The following TRIM49D1 variants were observed in gnomAD, a reference collection of about 807,000 sequenced individuals.
TRIM49D1 encodes the protein tripartite motif-containing protein 49D.
At chr11:89,921,329 A>G (rs1483515404) in intron 1 of TRIM49D1, among the ~76,000 whole-genome samples, 7 of 152,076 alleles carry the variant, frequency 4.6e-5, no homozygotes, top group African/African-American at 1.5e-4. Flanking sequence ...AGGCTAATTC[A>G]CAAATACAGA....
At position 89,922,222 on chromosome 11, in the gene TRIM49D1, C is replaced by G. The variant is rs1258948490; in HGVS notation, c.-586G>C. Among the ~76,000 whole-genome samples the G allele has an allele frequency of 6.6e-6, 1 of 151,900 alleles. No homozygotes were observed. Among genetic ancestry groups the G allele is most frequent in the African/African-American group, 2.4e-5 (1 of 41,278 alleles). On this transcript the variant is annotated 5_prime_UTR_variant, in exon 1 of 8. Transcript: ENST00000420869. ...GGGGATGTAATGCTCAGGGGCCAGA[C>G]AGTCGGCTGCAGCAGCACAGCCTCA...
chr11:89,921,314 G>A (rs954317221), intron 1 of TRIM49D1, among the ~76,000 whole-genome samples: 9 of 151,982 alleles, frequency 5.9e-5, no homozygotes, highest in Admixed American at 5.2e-4. Context: ...CAAGTTTTAG[G>A]ACGTAGGCTA....
chr11:89,921,330 C>G, intron 1 of TRIM49D1, among the ~76,000 whole-genome samples: 1 of 151,934 alleles, frequency 6.6e-6, no homozygotes, highest in Non-Finnish European at 1.5e-5. Context: ...GGCTAATTCA[C>G]AAATACAGAA....
chr11:89,920,968 C>A (rs528764672), intron 1 of TRIM49D1, among the ~76,000 whole-genome samples: 42 of 152,148 alleles, frequency 2.8e-4, no homozygotes, highest in African/African-American at 9.9e-4. Context: ...CAACTCCTGT[C>A]TTCAAGTAAT....
chr11:89,921,396 CAT>C (rs1173722782), intron 1 of TRIM49D1, among the ~76,000 whole-genome samples: 1 of 151,922 alleles, frequency 6.6e-6, no homozygotes, highest in Non-Finnish European at 1.5e-5. Flanking sequence ...TTTTTGTTGT[CAT>C]GTGACAATTT....
chr11:89,921,241 A>G (rs1172250612), intron 1 of TRIM49D1, among the ~76,000 whole-genome samples: 1 of 152,036 alleles, frequency 6.6e-6, no homozygotes, highest in Non-Finnish European at 1.5e-5. Context: ...TTTTCTCCAC[A>G]TGGTGCATGA....
rs1435915458 is a variant in TRIM49D1, at chr11:89,921,906, C to A, written c.-270G>T. On this transcript the variant is annotated 5_prime_UTR_variant, in exon 1 of 8. Coordinates refer to ENST00000420869, the MANE Select transcript of TRIM49D1 (RefSeq NM_001384911.1). ...GACCTTTCGTTACATCTGCAAAATA[C>A]CTTCCCAGTAGGTCCTACGTGAGTG... 6.6e-6 allele frequency: 1 copy of A among 152,058 alleles called. No individual in the cohort carries two copies. Among genetic ancestry groups the A allele is most frequent in the Non-Finnish European group, 1.5e-5 (1 of 68,038 alleles). The allele number at this position is 152,058 out of a possible 1,614,324, so 9.4% of individuals were successfully genotyped here. A position where few individuals can be genotyped will look rare whatever the true frequency, so the allele number is the denominator to read the frequency against.
intron 7 of TRIM49D1, 29 bp from the exon 8 acceptor site, chr11:89,912,115 TAAATAAATAAATAAATAGAA>T (rs1950318094): frequency 7.6e-7 from 1 of 1,316,464 alleles, no homozygotes; most frequent in African/African-American, 1.5e-5. Flanking sequence ...AATAAATAAA[TAAATAAATAAATAAATAGAA>T]AGAAAGAAAG....
rs1407032103 is a variant in TRIM49D1 at position 89,920,301 on chromosome 11, C to T, written c.-7G>A. The stretch of plus-strand genomic sequence containing the variant: ...TTATCAATATAAGTTTCACTCACCG[C>T]TGGGTTCTTTGAAGGGTTCCCACAA... On this transcript the variant is annotated splice_region_variant and 5_prime_UTR_variant, in exon 2 of 8. Transcript: ENST00000420869. The T allele has an allele frequency of 8.5e-6, 2 of 234,152 alleles. No individual in the cohort carries two copies. Among genetic ancestry groups the T allele is most frequent in the East Asian group, 7.0e-5 (1 of 14,350 alleles). The allele number at this position is 234,152 out of a possible 1,614,324, so 14.5% of individuals were successfully genotyped here.
chr11:89,920,509 T>A lies in TRIM49D1; in HGVS notation c.-215A>T, dbSNP rs1238822658. 6.7e-6 allele frequency: 1 copy of A among 148,282 alleles called. No individual in the cohort carries two copies. The highest frequency in any genetic ancestry group is 1.4e-5 in the Non-Finnish European group (1 of 69,048). The allele number at this position is 148,282 out of a possible 1,614,324, so 9.2% of individuals were successfully genotyped here. On this transcript the variant is annotated splice_region_variant and 5_prime_UTR_variant, in exon 2 of 8. Transcript: ENST00000420869. ...AGAATCTGTGAAGGCCACACCCACC[T>A]CTTTAAGTGGGTGGAGTATTGAGAA...
intron 1 of TRIM49D1, among the ~76,000 whole-genome samples, chr11:89,920,797 G>C (rs543958845): frequency 6.6e-6 from 1 of 152,014 alleles, no homozygotes; most frequent in Non-Finnish European, 1.5e-5. Context: ...CAGTGGTACA[G>C]TCATAGCTCA....
chr11:89,920,548 G>A (rs1950325144), intron 1 of TRIM49D1, 39 bp from the exon 2 acceptor site: 1 of 197,822 alleles, frequency 5.1e-6, no homozygotes, highest in South Asian at 1.7e-4. Context: ...TTGAGAATAA[G>A]ATGATTAGGT....
At chr11:89,921,155 C>A (rs1270552870) in intron 1 of TRIM49D1, among the ~76,000 whole-genome samples, 1 of 152,078 alleles carries the variant, frequency 6.6e-6, no homozygotes, top group Non-Finnish European at 1.5e-5. Context: ...AATAACTCTA[C>A]TAATTTGAGG....
At chr11:89,920,633 T>A (rs72479298) in intron 1 of TRIM49D1, 124 bp from the exon 2 acceptor site, 14,444 of 376,288 alleles carry the variant, frequency 0.038, 377 homozygotes, top group Non-Finnish European at 0.047. Flanking sequence ...ATGATTTAAA[T>A]GAATCATATG....
At chr11:89,921,025 C>T (rs530391183) in intron 1 of TRIM49D1, among the ~76,000 whole-genome samples, 2 of 152,154 alleles carry the variant, frequency 1.3e-5, no homozygotes, top group South Asian at 4.2e-4. Context: ...AGGCATAAAC[C>T]ACCTCATCCA....
At chr11:89,912,348 AATGTAAG>A (rs1278286716) in intron 7 of TRIM49D1, among the ~76,000 whole-genome samples, 2 of 149,390 alleles carry the variant, frequency 1.3e-5, no homozygotes, top group African/African-American at 2.4e-5. Flanking sequence ...CTGAGAGCCA[AATGTAAG>A]ACCAACTTCT....
intron 1 of TRIM49D1, among the ~76,000 whole-genome samples, chr11:89,920,896 C>G (rs976909229): frequency 6.6e-6 from 1 of 151,988 alleles, no homozygotes; most frequent in Non-Finnish European, 1.5e-5. Context: ...TCCCACCTGG[C>G]TAATGTTTTT....
chr11:89,920,561 A>C (rs1393871412), intron 1 of TRIM49D1, 52 bp from the exon 2 acceptor site: 11 of 247,604 alleles, frequency 4.4e-5, no homozygotes, highest in Non-Finnish European at 6.1e-5. Flanking sequence ...GATTAGGTTT[A>C]TGCAGTATTT....
At chr11:89,921,101 T>G (rs954183150) in intron 1 of TRIM49D1, among the ~76,000 whole-genome samples, 5 of 152,036 alleles carry the variant, frequency 3.3e-5, no homozygotes, top group Non-Finnish European at 7.3e-5. Context: ...AAGATAAAAC[T>G]TTTTTTGTTT....
Sources: gnomAD v4.1 joint callset for allele counts (sites outside exome capture counted in the v4.1 genomes callset) on GRCh38, gnomAD v4.1.1 for gene constraint, MANE v1.5 for transcripts, NCBI Gene and HGNC (gene_info 2026-07-23, HGNC 2026-07-21) for gene names.